Variants in PTPRG observed in about 807,000 individuals in gnomAD.
PTPRG encodes receptor-type tyrosine-protein phosphatase gamma.
Under a neutral mutation model 165.3 loss-of-function variants are expected in PTPRG, and 102 were observed. The observed-to-expected ratio is 0.62, with a 90% CI of 0.53 to 0.73. The LOEUF (loss-of-function observed/expected upper bound fraction) is 0.73, where lower values mean the gene tolerates loss of function less well. Ranked by LOEUF, PTPRG falls within the 30% of genes least tolerant of loss-of-function variation. PTPRG has a pLI of 0.00. For missense variants in PTPRG, 1,866 were observed against 1,861.4 expected (o/e 1.00, Z -0.05); for synonymous variants, 675 against 669.5 (o/e 1.01, Z -0.13).
At chr3:61,631,000 G>A (rs576080499) in intron 1 of PTPRG, among the ~76,000 whole-genome samples, 1 of 152,068 alleles carries the variant, frequency 6.6e-6, no homozygotes, top group South Asian at 2.1e-4. Flanking sequence ...AGGTTACAGT[G>A]AGCCAAGATT....
intron 8 of PTPRG, among the ~76,000 whole-genome samples, chr3:62,191,135 G>A (rs182457535): frequency 1.0e-3 from 152 of 151,180 alleles, no homozygotes; most frequent in African/African-American, 3.3e-3. Flanking sequence ...GCGTGTGTGC[G>A]TCTGTGTCCC....
At position 61,897,043 on chromosome 3, in the gene PTPRG, AT is replaced by A. The variant is rs1273917695; in HGVS notation, c.191-92578del. 2.7e-5 allele frequency among the ~76,000 whole-genome samples: 4 copies of A among 149,332 alleles called. No homozygotes were observed. In the East Asian group the frequency reaches 7.9e-4, roughly 29 times the overall value. On this transcript the variant is annotated intron_variant, in intron 2 of 29. Coordinates refer to ENST00000474889, the MANE Select transcript of PTPRG (RefSeq NM_002841.4). The stretch of plus-strand genomic sequence containing the variant: ...GTAACTTGTGTGTTTATCCTGTGTT[AT>A]TTTGTCTTTATGAGCTTTCTTGGCA...
At chr3:62,188,457 A>G (rs1227314054) in intron 8 of PTPRG, among the ~76,000 whole-genome samples, 1 of 152,238 alleles carries the variant, frequency 6.6e-6, no homozygotes, top group African/African-American at 2.4e-5. Context: ...TTTCACATGT[A>G]TATAAAGAGA....
intron 2 of PTPRG, among the ~76,000 whole-genome samples, chr3:61,800,602 A>G (rs532705528): frequency 3.3e-5 from 5 of 151,748 alleles, no homozygotes; most frequent in Non-Finnish European, 7.4e-5. Flanking sequence ...TCCTGAGGTA[A>G]TAGGTGTGGA....
At chr3:61,766,736 C>T (rs1386764587) in intron 2 of PTPRG, among the ~76,000 whole-genome samples, 1 of 151,944 alleles carries the variant, frequency 6.6e-6, no homozygotes, top group African/African-American at 2.4e-5. Flanking sequence ...CCTGTCTCAG[C>T]CTCCCTAGTA....
intron 2 of PTPRG, among the ~76,000 whole-genome samples, chr3:61,921,257 A>G (rs2039072367): frequency 6.6e-6 from 1 of 152,050 alleles, no homozygotes; most frequent in Non-Finnish European, 1.5e-5. Flanking sequence ...AATATTTAAG[A>G]TATTGGTAAA....
intron 2 of PTPRG, among the ~76,000 whole-genome samples, chr3:61,765,627 G>A (rs1292097884): frequency 1.3e-5 from 2 of 152,108 alleles, no homozygotes; most frequent in East Asian, 1.9e-4. Flanking sequence ...TTTCACTAAA[G>A]GAGTGGAAAG....
intron 5 of PTPRG, among the ~76,000 whole-genome samples, chr3:62,088,540 C>A (rs964901520): frequency 6.6e-6 from 1 of 152,200 alleles, no homozygotes; most frequent in Non-Finnish European, 1.5e-5. Flanking sequence ...TGCCCTATTC[C>A]TACATATCCT....
chr3:62,081,591 T>C (rs1467693309), intron 5 of PTPRG, among the ~76,000 whole-genome samples: 1 of 152,180 alleles, frequency 6.6e-6, no homozygotes, highest in African/African-American at 2.4e-5. Context: ...GTGATGCTCC[T>C]GCCTCAGCCT....
chr3:61,852,495 G>A (rs886545079), intron 2 of PTPRG, among the ~76,000 whole-genome samples: 1 of 152,202 alleles, frequency 6.6e-6, no homozygotes, highest in Admixed American at 6.5e-5. Context: ...TACCTGAAGA[G>A]TTTTTTAAAA....
rs1701505466 is a variant in PTPRG, at chr3:62,255,017, T to G, written c.2468-107T>G. ...ATTTTGTGTGATACAATTATTTTGC[T>G]CTTTGCAAAAATCAAGTATTTGTCT... On this transcript the variant is annotated intron_variant, in intron 15 of 29. Transcript: ENST00000474889. This position sits in a 1 kb window ranked among gnomAD's most constrained non-coding sequence, Gnocchi z 4.0. 3 of 878,794 alleles carry G rather than the reference T, an allele frequency of 3.4e-6. No homozygotes were observed. The highest frequency in any genetic ancestry group is 5.3e-6 in the Non-Finnish European group (3 of 570,526). 54.4% of individuals were successfully genotyped at this position (878,794 alleles called of 1,614,324 possible).
chr3:61,930,055 T>C (rs1037267064), intron 2 of PTPRG, among the ~76,000 whole-genome samples: 2 of 151,196 alleles, frequency 1.3e-5, no homozygotes, highest in Non-Finnish European at 3.0e-5. Context: ...TTTTTTTTTT[T>C]GCTTTTTACT....
At chr3:61,566,576 T>C (rs759417137) in intron 1 of PTPRG, among the ~76,000 whole-genome samples, 20 of 152,190 alleles carry the variant, frequency 1.3e-4, no homozygotes, top group Non-Finnish European at 2.4e-4. Context: ...AGTGAGATCC[T>C]AGCTCATTGC....
intron 2 of PTPRG, among the ~76,000 whole-genome samples, chr3:61,899,576 C>T (rs1195185424): frequency 1.3e-5 from 2 of 152,062 alleles, no homozygotes; most frequent in African/African-American, 2.4e-5. Flanking sequence ...TGTTGTTGTG[C>T]TGTCTATGGA....
intron 8 of PTPRG, among the ~76,000 whole-genome samples, chr3:62,180,772 G>A (rs920970805): frequency 6.6e-6 from 1 of 152,158 alleles, no homozygotes; most frequent in Admixed American, 6.5e-5. Context: ...ATGGCCTTTA[G>A]CTCTCAGAGG....
At chr3:62,276,891 T>TGGGAAGC in intron 24 of PTPRG, 81 bp from the exon 25 acceptor site, 1 of 1,053,222 alleles carries the variant, frequency 9.5e-7, no homozygotes, top group African/African-American at 1.6e-5. Flanking sequence ...ATGTTATTCA[T>TGGGAAGC]CAAGCAAATC....
intron 4 of PTPRG, among the ~76,000 whole-genome samples, chr3:62,024,612 T>G (rs1177519044): frequency 6.6e-6 from 1 of 152,254 alleles, no homozygotes; most frequent in Non-Finnish European, 1.5e-5. Flanking sequence ...AGTTTCCAGT[T>G]TATTCCCTTC....
intron 2 of PTPRG, among the ~76,000 whole-genome samples, chr3:61,862,067 T>C (rs909185076): frequency 2.0e-5 from 3 of 152,174 alleles, no homozygotes; most frequent in Non-Finnish European, 2.9e-5. Context: ...GCTGCACAGC[T>C]GGAGGTGAGC....
intron 27 of PTPRG, 95 bp from the exon 28 acceptor site, chr3:62,282,632 A>G (rs753446451): frequency 2.9e-4 from 384 of 1,304,680 alleles, no homozygotes; most frequent in Non-Finnish European, 3.7e-4. Context: ...AGAGTTACCT[A>G]TAACACATGG....
Sources: gnomAD v4.1 joint callset for allele counts (sites outside exome capture counted in the v4.1 genomes callset) on GRCh38, gnomAD v4.1.1 for gene constraint, Gnocchi (gnomAD v3.1) non-coding constraint, MANE v1.5 for transcripts, NCBI Gene and HGNC (gene_info 2026-07-23, HGNC 2026-07-21) for gene names.